RASSF3: variants seen among roughly 807,000 people sequenced by gnomAD.
RASSF3 encodes Ras association domain family member 3, also known as ras association domain-containing protein 3.
In RASSF3, 19 loss-of-function variants were observed where a neutral mutation model predicts 19.9. The observed-to-expected ratio is 0.96, with a 90% CI of 0.67 to 1.40. The LOEUF (loss-of-function observed/expected upper bound fraction) is 1.40, where lower values mean the gene tolerates loss of function less well. Among genes scored for constraint, RASSF3 ranks in the 40% most tolerant of loss-of-function variants. RASSF3 has a pLI of 0.00. For missense variants in RASSF3, 306 were observed against 289.8 expected (o/e 1.06, Z -0.41); for synonymous variants, 110 against 104.2 (o/e 1.06, Z -0.34).
At chr12:64,631,668 T>C (rs886167782) in intron 1 of RASSF3, among the ~76,000 whole-genome samples, 4 of 151,996 alleles carry the variant, frequency 2.6e-5, no homozygotes, top group Non-Finnish European at 5.9e-5. Flanking sequence ...GTCTCCCGGG[T>C]TCAAGATTCT....
chr12:64,647,059 C>T (rs916949031), intron 1 of RASSF3, among the ~76,000 whole-genome samples: 6 of 152,092 alleles, frequency 3.9e-5, no homozygotes, highest in African/African-American at 1.4e-4. Context: ...TGTCTAACTA[C>T]AAAGGATGGA....
At chr12:64,601,014 G>A (rs1222739470) in intron 2 of RASSF3, among the ~76,000 whole-genome samples, 2 of 152,138 alleles carry the variant, frequency 1.3e-5, no homozygotes, top group African/African-American at 2.4e-5. Flanking sequence ...TAGGCTGGGT[G>A]CAGTGGCTCA....
At chr12:64,539,460 T>C (rs528731723) in intron 1 of RASSF3, among the ~76,000 whole-genome samples, 1 of 152,314 alleles carries the variant, frequency 6.6e-6, no homozygotes, top group South Asian at 2.1e-4. Flanking sequence ...ATATCTTCTC[T>C]TTTGTAATTT....
At chr12:64,507,131 CAT>C in exon 1 of RASSF3, 1 of 398,480 alleles carries the variant, frequency 2.5e-6, no homozygotes. Flanking sequence ...GCTAAAGTGT[CAT>C]ATGTGGGTGT....
At chr12:64,595,148 A>G (rs1180306319) in intron 2 of RASSF3, among the ~76,000 whole-genome samples, 1 of 135,484 alleles carries the variant, frequency 7.4e-6, no homozygotes, top group Non-Finnish European at 1.5e-5. Context: ...GCTCACAGCT[A>G]CCTCCGCCTC....
At chr12:64,597,142 T>C (rs1280262561) in intron 2 of RASSF3, among the ~76,000 whole-genome samples, 2 of 150,960 alleles carry the variant, frequency 1.3e-5, no homozygotes, top group East Asian at 3.9e-4. Flanking sequence ...ATTTTTTAAT[T>C]TTTTTCCTGA....
chr12:64,608,447 G>A (rs988973132), upstream of RASSF3, among the ~76,000 whole-genome samples: 2 of 152,166 alleles, frequency 1.3e-5, no homozygotes, highest in East Asian at 3.9e-4. Flanking sequence ...TCAGCCTCCC[G>A]AGTAGCTGGC....
chr12:64,689,206 C>A (rs377037669), intron 3 of RASSF3, among the ~76,000 whole-genome samples: 1 of 136,158 alleles, frequency 7.3e-6, no homozygotes, highest in African/African-American at 2.7e-5. Flanking sequence ...TCACTACATG[C>A]GATTTGAAAT....
intron 1 of RASSF3, among the ~76,000 whole-genome samples, chr12:64,659,984 A>G (rs201597368): frequency 1.9e-3 from 239 of 125,926 alleles, no homozygotes; most frequent in African/African-American, 6.4e-3. Context: ...GTGTGTGTGT[A>G]TGTATGTGTA....
chr12:64,545,119 T>C (rs972996068), downstream of RASSF3, among the ~76,000 whole-genome samples: 1 of 152,198 alleles, frequency 6.6e-6, no homozygotes, highest in African/African-American at 2.4e-5. Flanking sequence ...TGTACTAGCC[T>C]TTAAATTAAG....
chr12:64,600,005 C>A (rs1397237812), intron 2 of RASSF3, among the ~76,000 whole-genome samples: 1 of 136,374 alleles, frequency 7.3e-6, no homozygotes, highest in Non-Finnish European at 1.5e-5. Context: ...GCACCCCAGC[C>A]TGGGCGAGAG....
At chr12:64,614,380 G>A (rs533596445) in intron 1 of RASSF3, among the ~76,000 whole-genome samples, 41 of 152,078 alleles carry the variant, frequency 2.7e-4, no homozygotes, top group African/African-American at 8.0e-4. Context: ...TGCCCGCCTC[G>A]GCCTCCCAAA....
At position 64,548,617 on chromosome 12, in the gene RASSF3, G is replaced by A. The variant is rs149971028; in HGVS notation, c.294+6912G>A. Reference sequence around the variant, plus strand: ...TACAGATTCTGAAGGAGGATTTATCGGTCAAGAGTTTTAATAGCCCTTAAT... The same window carrying A: ...TACAGATTCTGAAGGAGGATTTATCAGTCAAGAGTTTTAATAGCCCTTAAT... On this transcript the variant is annotated intron_variant, in intron 2 of 5. Coordinates refer to the RASSF3 transcript ENST00000637125. 3.9e-3 allele frequency among the ~76,000 whole-genome samples: 589 copies of A among 152,164 alleles called. 5 individuals are homozygous for A. The highest frequency in any genetic ancestry group is 0.013 in the African/African-American group (549 of 41,514).
At chr12:64,638,700 G>T (rs752306976) in intron 1 of RASSF3, among the ~76,000 whole-genome samples, 5 of 151,876 alleles carry the variant, frequency 3.3e-5, no homozygotes, top group Non-Finnish European at 5.9e-5. Context: ...TCTTCTCCCT[G>T]TCGTTTCCCC....
intron 1 of RASSF3, among the ~76,000 whole-genome samples, chr12:64,652,167 T>C (rs1344581036): frequency 6.6e-6 from 1 of 152,198 alleles, no homozygotes; most frequent in African/African-American, 2.4e-5. Context: ...GTATTTTGGC[T>C]CTAAATTAGA....
At chr12:64,629,663 G>A (rs77002665) in intron 1 of RASSF3, among the ~76,000 whole-genome samples, 17,892 of 151,808 alleles carry the variant, frequency 0.12, 1,381 homozygotes, top group South Asian at 0.25. Context: ...AATGAGTGTT[G>A]TATAAAAATG....
chr12:64,543,680 T>G (rs915216534), downstream of RASSF3, among the ~76,000 whole-genome samples: 1 of 150,890 alleles, frequency 6.6e-6, no homozygotes, highest in African/African-American at 2.4e-5. Flanking sequence ...CCTGCGCCCC[T>G]AGTGCGCGAT....
At chr12:64,601,161 C>T (rs1006448365) in intron 2 of RASSF3, among the ~76,000 whole-genome samples, 3 of 152,046 alleles carry the variant, frequency 2.0e-5, no homozygotes, top group South Asian at 2.1e-4. Flanking sequence ...TGGTGACACA[C>T]GCCTGTAGTC....
intron 2 of RASSF3, among the ~76,000 whole-genome samples, chr12:64,558,211 C>T (rs1053851831): frequency 1.3e-5 from 2 of 152,156 alleles, no homozygotes; most frequent in Non-Finnish European, 2.9e-5. Flanking sequence ...TGAGAGTTCA[C>T]GCATTGGGAT....
Sources: gnomAD v4.1 joint callset for allele counts (sites outside exome capture counted in the v4.1 genomes callset) on GRCh38, gnomAD v4.1.1 for gene constraint, MANE v1.5 for transcripts, NCBI Gene and HGNC (gene_info 2026-07-23, HGNC 2026-07-21) for gene names.